ZNF665: variants seen among roughly 807,000 people sequenced by gnomAD.
The protein encoded by ZNF665 is zinc finger protein 665.
ZNF665 carries 6 observed loss-of-function variants against 7.9 expected under a neutral mutation model. That is an observed-to-expected ratio of 0.76 (90% confidence interval 0.42 to 1.50). ZNF665 has a LOEUF of 1.50. Ranked by LOEUF, ZNF665 falls within the 40% of genes most tolerant of loss-of-function variation. The probability of loss-of-function intolerance (pLI) is 0.01; values close to 1 mark genes in which losing one functional copy is unlikely to be tolerated. For synonymous variants in ZNF665, 242 were observed against 274.5 expected (o/e 0.88, Z 1.17); for missense variants, 819 against 806.7 (o/e 1.02, Z -0.18).
At chr19:53,188,415 C>A (rs1599887944) in intron 1 of ZNF665, among the ~76,000 whole-genome samples, 1 of 3,604 alleles carries the variant, frequency 2.8e-4, no homozygotes. Context: ...CCGTCTCCAC[C>A]AAAAAAAAAA....
chr19:53,191,843 A>G (rs1047238859), intron 1 of ZNF665: 1 of 152,160 alleles, frequency 6.6e-6, no homozygotes, highest in Non-Finnish European at 1.5e-5. Context: ...ATTCTGTCTT[A>G]AGAAAAAAAA....
chr19:53,171,241 C>G (rs1284352173), intron 3 of ZNF665, among the ~76,000 whole-genome samples: 1 of 152,014 alleles, frequency 6.6e-6, no homozygotes, highest in Non-Finnish European at 1.5e-5. Context: ...CTACCTTGGC[C>G]TCCCAAAATG....
intron 1 of ZNF665, among the ~76,000 whole-genome samples, chr19:53,185,232 T>C (rs2090769015): frequency 6.6e-6 from 1 of 151,868 alleles, no homozygotes; most frequent in Admixed American, 6.6e-5. Flanking sequence ...GCGGGTGTTG[T>C]TCCTTGCCAC....
rs1440135558 is a variant in ZNF665, at chr19:53,175,509, G to C, written c.78C>G (p.Asp26Glu). ...EFSQEEWTCL[D>E]PAQKTLYRDV... Reference sequence around the variant, plus strand: ...CCCTGTACAAAGTCTTCTGAGCAGGGTCCAGGCATGTCCACTCCTCCTGAG... The same window carrying C: ...CCCTGTACAAAGTCTTCTGAGCAGGCTCCAGGCATGTCCACTCCTCCTGAG... The change falls in exon 3 of 4, where the codon GAC becomes GAG. Residue 26 changes from aspartate (D) to glutamate (E), a missense_variant. Physicochemically the swap from Asp to Glu is conservative, Grantham distance 45. Transcript: ENST00000396424. 2 of 1,612,602 alleles carry C rather than the reference G, an allele frequency of 1.2e-6. No homozygotes were observed. The highest frequency in any genetic ancestry group is 2.2e-5 in the South Asian group (2 of 90,932).
chr19:53,172,009 C>G (rs2090662216), intron 3 of ZNF665, among the ~76,000 whole-genome samples: 1 of 152,174 alleles, frequency 6.6e-6, no homozygotes, highest in African/African-American at 2.4e-5. Flanking sequence ...ACACCTTGGC[C>G]TCCCAAAGTG....
At chr19:53,179,670 G>A (rs986033504) in intron 2 of ZNF665, 4 of 152,098 alleles carry the variant, frequency 2.6e-5, no homozygotes, top group African/African-American at 9.7e-5. Context: ...AAAACTGAGT[G>A]TTTCTCTGAC....
chr19:53,168,488 A>G (rs1433338705), intron 3 of ZNF665, among the ~76,000 whole-genome samples: 2 of 152,234 alleles, frequency 1.3e-5, no homozygotes, highest in East Asian at 3.8e-4. Context: ...TATCTTGTTC[A>G]GCATTTAGAA....
intron 3 of ZNF665, among the ~76,000 whole-genome samples, chr19:53,174,561 T>C (rs1172466178): frequency 1.3e-5 from 2 of 152,168 alleles, no homozygotes; most frequent in African/African-American, 4.8e-5. Context: ...TTCTATTGTC[T>C]CTTGGTTCTC....
intron 1 of ZNF665, among the ~76,000 whole-genome samples, chr19:53,185,433 A>G (rs1599885459): frequency 6.6e-6 from 1 of 152,104 alleles, no homozygotes; most frequent in South Asian, 2.1e-4. Flanking sequence ...TTCCTAGGCT[A>G]TGATTACAGA....
At chr19:53,172,243 A>G (rs2090663799) in intron 3 of ZNF665, among the ~76,000 whole-genome samples, 1 of 152,194 alleles carries the variant, frequency 6.6e-6, no homozygotes, top group Non-Finnish European at 1.5e-5. Context: ...AAGATGACCC[A>G]TGGAATTCAA....
At chr19:53,170,729 A>G (rs1168061652) in intron 3 of ZNF665, among the ~76,000 whole-genome samples, 1 of 152,212 alleles carries the variant, frequency 6.6e-6, no homozygotes, top group African/African-American at 2.4e-5. Context: ...TGCATTAAAC[A>G]TGGAATGCAG....
rs2090622744 is a variant in ZNF665 at position 53,167,311 on chromosome 19, T to C, written c.143-964A>G. 2.0e-5 allele frequency among the ~76,000 whole-genome samples: 3 copies of C among 152,006 alleles called. No homozygotes were observed. The South Asian group carries it at 6.2e-4, about 32-fold the overall frequency. ...CCACTGCGCCCAGCCCCAACAGTTGTATTTCTTACAAATGGTAAAAAACCA... is the reference window on the plus strand; with the variant it reads ...CCACTGCGCCCAGCCCCAACAGTTGCATTTCTTACAAATGGTAAAAAACCA... On this transcript the variant is annotated intron_variant, in intron 3 of 3. Transcript: ENST00000396424.
rs542585940 is a variant in ZNF665 at position 53,173,679 on chromosome 19, ACT to A, written c.142+1764_142+1765del. On this transcript the variant is annotated intron_variant, in intron 3 of 3. Transcript: ENST00000396424. ...AAAGCCACCGCATCTAGCATTTTTTACTCTTTTTATTCTGTTCCACTGGTTGA... is the reference window on the plus strand; with the variant it reads ...AAAGCCACCGCATCTAGCATTTTTTACTTTTTATTCTGTTCCACTGGTTGA... Among the ~76,000 whole-genome samples, 35 of 151,134 alleles carry A rather than the reference ACT, an allele frequency of 2.3e-4. 1 individual carries two copies. In the East Asian group the frequency reaches 5.1e-3, roughly 22 times the overall value.
rs368697071 is a variant in ZNF665 at position 53,166,319 on chromosome 19, A to G, written c.171T>C (p.Asp57=). The G allele has an allele frequency of 1.9e-6, 3 of 1,592,506 alleles. No individual in the cohort carries two copies. Among genetic ancestry groups the G allele is most frequent in the Non-Finnish European group, 2.6e-6 (3 of 1,170,858 alleles). Residue 57 remains aspartate, a synonymous_variant, in exon 4 of 4, where the codon GAT becomes GAC. Coordinates refer to ENST00000396424, the MANE Select transcript of ZNF665 (RefSeq NM_024733.5). The stretch of plus-strand genomic sequence containing the variant: ...TATTGTTCTTCCCCTTTGGTGGCAA[A>G]TCCGTGTTTACACATTTACAAGAGA... ...LDISCKCVNT[D]LPPKGKNNMG... is the part of the protein sequence containing the mutation.
rs372855271 is a variant in ZNF665, at chr19:53,171,524, A to ATATT, written c.142+3920_142+3921insAATA. Among the ~76,000 whole-genome samples the ATATT allele has an allele frequency of 4.1e-3, 281 of 69,334 alleles. 1 individual carries two copies. Among genetic ancestry groups the ATATT allele is most frequent in the Non-Finnish European group, 5.4e-3 (203 of 37,822 alleles). The allele number at this position is 69,334 out of a possible 152,430, so 45.5% of individuals were successfully genotyped here. ...TGTGTGTATATATATATATATATAT[A>ATATT]TTTTTTTTTTTTTTTTCTTTTTTTA... On this transcript the variant is annotated intron_variant, in intron 3 of 3. Coordinates refer to ENST00000396424, the MANE Select transcript of ZNF665 (RefSeq NM_024733.5).
Position 53,164,133 on chromosome 19 carries a change from CTTT to C in ZNF665, c.*317_*319del, listed in dbSNP as rs35735454. Reference sequence around the variant, plus strand: ...CTGGCCGCACTCCTTTGTAAGGTTACTTTTTTTTTTTTTTTTTTTTTGGAGATG... The same window carrying C: ...CTGGCCGCACTCCTTTGTAAGGTTACTTTTTTTTTTTTTTTTTTGGAGATG... On this transcript the variant is annotated 3_prime_UTR_variant, in exon 4 of 4. Transcript: ENST00000396424. 259 of 104,642 alleles carry C rather than the reference CTTT, an allele frequency of 2.5e-3. 1 individual carries two copies. The highest frequency in any genetic ancestry group is 5.2e-3 in the African/African-American group (157 of 30,398). The allele number at this position is 104,642 out of a possible 1,614,324, so 6.5% of individuals were successfully genotyped here. A position where few individuals can be genotyped will look rare whatever the true frequency, so the allele number is the denominator to read the frequency against.
chr19:53,167,599 A>G (rs2090625683), intron 3 of ZNF665, among the ~76,000 whole-genome samples: 1 of 149,580 alleles, frequency 6.7e-6, no homozygotes, highest in African/African-American at 2.5e-5. Flanking sequence ...GGCGCCCGCC[A>G]CCGCGCCCGG....
At chr19:53,185,729 G>A (rs943447091) in intron 1 of ZNF665, among the ~76,000 whole-genome samples, 8 of 151,948 alleles carry the variant, frequency 5.3e-5, no homozygotes, top group African/African-American at 9.7e-5. Context: ...AAAGCGTGAC[G>A]TGATCAGCGA....
intron 3 of ZNF665, among the ~76,000 whole-genome samples, chr19:53,171,433 G>A (rs2090655883): frequency 6.8e-6 from 1 of 146,990 alleles, no homozygotes; most frequent in African/African-American, 2.5e-5. Context: ...TTGTATGGCA[G>A]TACACTATGT....
Sources: gnomAD v4.1 joint callset for allele counts (sites outside exome capture counted in the v4.1 genomes callset) on GRCh38, gnomAD v4.1.1 for gene constraint, MANE v1.5 for transcripts, NCBI Gene and HGNC (gene_info 2026-07-23, HGNC 2026-07-21) for gene names.